The following ITGAE variants were observed in gnomAD, a reference collection of about 807,000 sequenced individuals.
The protein encoded by ITGAE is integrin alpha-E.
ITGAE carries 99 observed loss-of-function variants against 136.5 expected under a neutral mutation model. The ratio of observed to expected loss-of-function variants is 0.73; its 90% CI spans 0.62 to 0.86. ITGAE has a LOEUF of 0.86. Ranked by LOEUF, ITGAE falls within the 40% of genes least tolerant of loss-of-function variation. ITGAE has a pLI of 0.00. For synonymous variants in ITGAE, 613 were observed against 591.8 expected (o/e 1.04, Z -0.52); for missense variants, 1,447 against 1,515.3 (o/e 0.95, Z 0.75).
chr17:3,791,691 C>CG (rs1381441350), intron 1 of ITGAE, among the ~76,000 whole-genome samples: 1 of 152,132 alleles, frequency 6.6e-6, no homozygotes, highest in Non-Finnish European at 1.5e-5. Context: ...AATGAGTCAT[C>CG]GGAGATCTTG....
At chr17:3,765,348 C>CAAAA (rs66493976) in intron 2 of ITGAE, among the ~76,000 whole-genome samples, 8 of 63,698 alleles carry the variant, frequency 1.3e-4, no homozygotes, top group Admixed American at 2.4e-4. Flanking sequence ...GACTCTGTCT[C>CAAAA]AAAAAAAAAA....
At chr17:3,751,607 T>A in intron 15 of ITGAE, 43 bp downstream of exon 15, 1 of 1,560,074 alleles carries the variant, frequency 6.4e-7, no homozygotes, top group Non-Finnish European at 8.8e-7. Flanking sequence ...CTGAGAGAGG[T>A]CAGAGCCCCA....
intron 28 of ITGAE, among the ~76,000 whole-genome samples, chr17:3,722,911 A>T (rs1007169272): frequency 1.3e-5 from 2 of 152,236 alleles, no homozygotes; most frequent in African/African-American, 4.8e-5. Flanking sequence ...CAGAGGCAAG[A>T]AAGGCAGGCC....
At chr17:3,785,498 G>A (rs576262994) in intron 1 of ITGAE, among the ~76,000 whole-genome samples, 23 of 45,710 alleles carry the variant, frequency 5.0e-4, no homozygotes, top group Non-Finnish European at 6.3e-4. Flanking sequence ...GAAGGAAGGA[G>A]GAAGGAAGGA....
chr17:3,764,275 A>T (rs993238011), intron 2 of ITGAE, among the ~76,000 whole-genome samples: 1 of 152,110 alleles, frequency 6.6e-6, no homozygotes, highest in African/African-American at 2.4e-5. Context: ...GAAAACCACC[A>T]GCGTTGGGGT....
At position 3,772,220 on chromosome 17, in the gene ITGAE, C is replaced by T. The variant is rs560828325; in HGVS notation, c.155+5320G>A. Reference sequence around the variant, plus strand: ...TGAACACACCTGCCTCGATGCGCCCCCCCGTACCTCGGACGTCCCCCAACA... The same window carrying T: ...TGAACACACCTGCCTCGATGCGCCCTCCCGTACCTCGGACGTCCCCCAACA... On this transcript the variant is annotated intron_variant, in intron 2 of 30. Coordinates refer to ENST00000263087, the MANE Select transcript of ITGAE (RefSeq NM_002208.5). 5.3e-5 allele frequency among the ~76,000 whole-genome samples: 8 copies of T among 152,316 alleles called. No individual in the cohort carries two copies. In the East Asian group the frequency reaches 1.5e-3, roughly 29 times the overall value.
chr17:3,792,413 G>A (rs1044071436), intron 1 of ITGAE, among the ~76,000 whole-genome samples: 4 of 152,174 alleles, frequency 2.6e-5, no homozygotes, highest in African/African-American at 7.2e-5. Flanking sequence ...CACCGCGCCC[G>A]GCCTGATATC....
At chr17:3,725,362 G>A in intron 26 of ITGAE, 5 of 1,613,224 alleles carry the variant, frequency 3.1e-6, no homozygotes, top group Non-Finnish European at 4.2e-6. Flanking sequence ...GTCCCCTTTA[G>A]CCATTGCCTT....
chr17:3,735,962 G>A (rs997984827), intron 20 of ITGAE, among the ~76,000 whole-genome samples: 2 of 152,106 alleles, frequency 1.3e-5, no homozygotes, highest in Non-Finnish European at 2.9e-5. Context: ...TGGCCAAGAT[G>A]GTGAAACCCC....
At chr17:3,725,134 C>T (rs189419835) in intron 26 of ITGAE, 2 of 1,614,180 alleles carry the variant, frequency 1.2e-6, no homozygotes, top group Admixed American at 3.3e-5. Flanking sequence ...ACTGATGTGT[C>T]AGAGGTCTGC....
intron 27 of ITGAE, 34 bp downstream of exon 27, chr17:3,723,654 C>A: frequency 6.5e-7 from 1 of 1,547,712 alleles, no homozygotes; most frequent in Admixed American, 2.1e-5. Context: ...AGGCCCTCCG[C>A]CCTCCCCTGG....
chr17:3,786,895 A>C (rs1245883399), intron 1 of ITGAE, among the ~76,000 whole-genome samples: 1 of 151,320 alleles, frequency 6.6e-6, no homozygotes, highest in Non-Finnish European at 1.5e-5. Flanking sequence ...TCTCAAAAAA[A>C]AAAAAAAAAA....
chr17:3,758,644 G>T (rs2052086368), intron 8 of ITGAE, among the ~76,000 whole-genome samples: 1 of 151,866 alleles, frequency 6.6e-6, no homozygotes, highest in South Asian at 2.1e-4. Context: ...TAGAGACGGG[G>T]TTTCACCATG....
chr17:3,753,165 T>C, intron 14 of ITGAE, 125 bp downstream of exon 14: 1 of 1,062,562 alleles, frequency 9.4e-7, no homozygotes, highest in African/African-American at 1.6e-5. Flanking sequence ...CCATCCAGCC[T>C]GAGCACCTCC....
intron 1 of ITGAE, among the ~76,000 whole-genome samples, chr17:3,783,590 A>C (rs1430704400): frequency 6.6e-6 from 1 of 152,256 alleles, no homozygotes; most frequent in Non-Finnish European, 1.5e-5. Flanking sequence ...ACATTTTCCT[A>C]ACAGTAAAAG....
chr17:3,798,163 C>T lies in ITGAE; in HGVS notation c.34+2948G>A, dbSNP rs920618725. On this transcript the variant is annotated intron_variant, in intron 1 of 30. Coordinates refer to ENST00000263087, the MANE Select transcript of ITGAE (RefSeq NM_002208.5). The surrounding 1 kb of genome is among the most constrained non-coding windows in gnomAD (Gnocchi z 4.3). ...CAGCTCTCCCCCACACACTGCATTC[C>T]GGGGGCATTTCACCTTTGCTTGGGC... Among the ~76,000 whole-genome samples the T allele has an allele frequency of 1.3e-5, 2 of 152,224 alleles. No homozygotes were observed. The highest frequency in any genetic ancestry group is 2.9e-5 in the Non-Finnish European group (2 of 68,034).
At chr17:3,783,029 T>C (rs1034169820) in intron 1 of ITGAE, among the ~76,000 whole-genome samples, 1 of 152,238 alleles carries the variant, frequency 6.6e-6, no homozygotes, top group Non-Finnish European at 1.5e-5. Context: ...GATTCTATGA[T>C]TCTGAAGTCG....
chr17:3,787,837 G>A (rs2052836376), intron 1 of ITGAE, among the ~76,000 whole-genome samples: 1 of 151,886 alleles, frequency 6.6e-6, no homozygotes, highest in African/African-American at 2.4e-5. Context: ...ACAGATGCCC[G>A]CCACCACGCC....
Position 3,786,822 on chromosome 17 carries a change from G to A in ITGAE, c.35-9162C>T, listed in dbSNP as rs891594874. ...GGAGGATCACTTGAACCCGGGAGGC[G>A]GAGGTTGCAGTCAGCCAAGATTGCG... On this transcript the variant is annotated intron_variant, in intron 1 of 30. Transcript: ENST00000263087. Among the ~76,000 whole-genome samples the A allele has an allele frequency of 5.3e-5, 8 of 150,664 alleles. 1 individual carries two copies. The East Asian group carries it at 5.9e-4, about 11-fold the overall frequency.
Sources: gnomAD v4.1 joint callset for allele counts (sites outside exome capture counted in the v4.1 genomes callset) on GRCh38, gnomAD v4.1.1 for gene constraint, Gnocchi (gnomAD v3.1) non-coding constraint, MANE v1.5 for transcripts, NCBI Gene and HGNC (gene_info 2026-07-23, HGNC 2026-07-21) for gene names.